Variants in PWWP3B observed in about 807,000 individuals in gnomAD.
The protein encoded by PWWP3B is PWWP domain containing 3B, also known as PWWP domain-containing DNA repair factor 3B.
Under a neutral mutation model 15.7 loss-of-function variants are expected in PWWP3B, and 5 were observed. That is an observed-to-expected ratio of 0.32 (90% CI 0.17 to 0.67). The LOEUF (loss-of-function observed/expected upper bound fraction) is 0.67, where lower values mean the gene tolerates loss of function less well. PWWP3B is among the 30% of genes least tolerant of loss of function. The pLI, the probability that PWWP3B is intolerant of heterozygous loss-of-function variation, is 0.74. For missense variants in PWWP3B, 519 were observed against 493.1 expected (o/e 1.05, Z -0.50); for synonymous variants, 203 against 179.8 (o/e 1.13, Z -1.03).
chrX:106,194,479 G>A (rs1003207066), intron 2 of PWWP3B, among the ~76,000 whole-genome samples: 7 of 111,270 alleles, frequency 6.3e-5, no homozygotes, highest in South Asian at 7.6e-4. Context: ...CTTTGCCATC[G>A]GTTTGAATTT....
intron 2 of PWWP3B, among the ~76,000 whole-genome samples, chrX:106,187,183 CCTT>C (rs1922569718): frequency 8.9e-6 from 1 of 111,934 alleles, no homozygotes; most frequent in Non-Finnish European, 1.9e-5. Context: ...GATGGGTCTT[CCTT>C]CTTGCTTGTT....
rs746593043 is a variant in PWWP3B, at chrX:106,186,962, C to T, written c.-401+15823C>T. 6.3e-5 allele frequency among the ~76,000 whole-genome samples: 7 copies of T among 111,893 alleles called. No homozygotes were observed. In the South Asian group the frequency reaches 1.1e-3, roughly 18 times the overall value. On this transcript the variant is annotated intron_variant, in intron 2 of 3. Transcript: ENST00000357175. ...GTGCATTTACAATCCTCTAGCTAGA[C>T]GCAGAGCGTTGATTGGTGCATTTAC...
chrX:106,205,020 C>G (rs774584363), intron 3 of PWWP3B, among the ~76,000 whole-genome samples, 199 bp from the exon 4 acceptor site: 1 of 111,058 alleles, frequency 9.0e-6, no homozygotes, highest in East Asian at 2.8e-4. Flanking sequence ...GTTCTTCAAT[C>G]TGAGGTATTA....
intron 2 of PWWP3B, among the ~76,000 whole-genome samples, chrX:106,192,184 G>C (rs1399900146): frequency 6.3e-5 from 7 of 111,250 alleles, no homozygotes; most frequent in Non-Finnish European, 1.3e-4. Flanking sequence ...ACTTTTTTTG[G>C]TTGGTAAACT....
Position 106,207,434 on chromosome X carries a change from C to T in PWWP3B, c.2002C>T (p.Pro668Ser). ...EAAEAKYLKGPCLGYRERELF... is the reference protein window; with the variant it reads ...EAAEAKYLKGSCLGYRERELF... ...AGCTGAAGCAAAGTATCTAAAAGGA[C>T]CATGTCTAGGCTACAGGGAAAGAGA... The change falls in exon 4 of 4, where the codon CCA becomes TCA. Residue 668 changes from proline to serine, a missense_variant. Transcript: ENST00000357175. The T allele has an allele frequency of 8.6e-7, 1 of 1,166,745 alleles. No individual in the cohort carries two copies. The highest frequency in any genetic ancestry group is 1.1e-6 in the Non-Finnish European group (1 of 872,597).
chrX:106,175,241 T>C (rs1233257244), intron 2 of PWWP3B, among the ~76,000 whole-genome samples: 27 of 87,104 alleles, frequency 3.1e-4, no homozygotes, highest in Admixed American at 1.2e-3. Context: ...TATTTCTTTT[T>C]TTTTTTTTTT....
rs180936629 is a variant in PWWP3B, at chrX:106,195,605, T to G, written c.-400-8380T>G. Among the ~76,000 whole-genome samples, 236 of 112,104 alleles carry G rather than the reference T, an allele frequency of 2.1e-3. 1 individual carries two copies. Among genetic ancestry groups the G allele is most frequent in the Non-Finnish European group, 2.9e-3 (153 of 53,249 alleles). On this transcript the variant is annotated intron_variant, in intron 2 of 3. Transcript: ENST00000357175. ...ACCGCCATTTCTTCATTTAATTACC[T>G]TTGTCCAAAATCTGTTGGCTATATT...
chrX:106,177,873 GCATCTCTGAGTGTT>G (rs771908319), intron 2 of PWWP3B, among the ~76,000 whole-genome samples: 20 of 112,076 alleles, frequency 1.8e-4, no homozygotes, highest in African/African-American at 5.2e-4. Context: ...TTAACAGTCA[GCATCTCTGAGTGTT>G]CATCTCTGAG....
intron 2 of PWWP3B, among the ~76,000 whole-genome samples, chrX:106,173,098 G>A (rs989870364): frequency 7.5e-4 from 84 of 111,821 alleles, no homozygotes; most frequent in African/African-American, 2.7e-3. Flanking sequence ...TCACAAATCC[G>A]TGCCTCATAA....
chrX:106,190,122 G>A (rs1487617622), intron 2 of PWWP3B, among the ~76,000 whole-genome samples: 2 of 111,237 alleles, frequency 1.8e-5, no homozygotes, highest in South Asian at 3.8e-4. Flanking sequence ...TCGCCACACT[G>A]ACTTCCACAA....
intron 2 of PWWP3B, among the ~76,000 whole-genome samples, chrX:106,191,130 T>A (rs1176441980): frequency 9.1e-6 from 1 of 110,282 alleles, no homozygotes; most frequent in Non-Finnish European, 1.9e-5. Context: ...ATAAATTACC[T>A]TGGGCAGTAT....
chrX:106,178,756 C>T (rs1056334450), intron 2 of PWWP3B, among the ~76,000 whole-genome samples: 37 of 111,586 alleles, frequency 3.3e-4, no homozygotes, highest in African/African-American at 1.1e-3. Context: ...TGCATTCATA[C>T]GTTTATGTAA....
chrX:106,190,039 A>G, intron 2 of PWWP3B, among the ~76,000 whole-genome samples: 3 of 112,137 alleles, frequency 2.7e-5, no homozygotes, highest in Middle Eastern at 9.1e-3. Flanking sequence ...CATGATTTAT[A>G]GTCCTTTGGG....
intron 2 of PWWP3B, among the ~76,000 whole-genome samples, chrX:106,194,302 C>T (rs774516744): frequency 2.7e-5 from 3 of 111,834 alleles, no homozygotes; most frequent in Non-Finnish European, 3.8e-5. Context: ...CGTCTTCCAT[C>T]GCTGATACCC....
At position 106,205,340 on chromosome X, in the gene PWWP3B, G is replaced by A. The variant is rs924658283; in HGVS notation, c.-93G>A. 1.7e-4 allele frequency: 146 copies of A among 835,086 alleles called. No homozygotes were observed. The highest frequency in any genetic ancestry group is 2.3e-4 in the Non-Finnish European group (141 of 609,009). The allele number at this position is 835,086 out of a possible 1,213,427, so 68.8% of individuals were successfully genotyped here. The stretch of plus-strand genomic sequence containing the variant: ...CATAAGACGAAAGAGGATTTGTTAA[G>A]AGTATTGTTTTGGGTAGAACTTGCA... On this transcript the variant is annotated 5_prime_UTR_variant, in exon 4 of 4. Coordinates refer to ENST00000357175, the MANE Select transcript of PWWP3B (RefSeq NM_001171020.2).
chrX:106,171,737 C>T lies in PWWP3B; in HGVS notation c.-401+598C>T, dbSNP rs149063949. ...TATGGTATAGCCTATTGCTCCTATA[C>T]CACAAACCTGTATACCATGTTACTG... On this transcript the variant is annotated intron_variant, in intron 2 of 3. Coordinates refer to ENST00000357175, the MANE Select transcript of PWWP3B (RefSeq NM_001171020.2). Among the ~76,000 whole-genome samples the T allele has an allele frequency of 8.2e-5, 9 of 110,425 alleles. No homozygotes were observed. In the East Asian group the frequency reaches 2.6e-3, roughly 32 times the overall value.
chrX:106,171,325 C>T (rs1402973350), intron 2 of PWWP3B, among the ~76,000 whole-genome samples, 186 bp downstream of exon 2: 1 of 111,749 alleles, frequency 8.9e-6, no homozygotes, highest in African/African-American at 3.3e-5. Context: ...TCCTGTTCTA[C>T]AGCTATCATG....
At chrX:106,194,737 C>G (rs760414857) in intron 2 of PWWP3B, among the ~76,000 whole-genome samples, 20 of 111,630 alleles carry the variant, frequency 1.8e-4, no homozygotes, top group Non-Finnish European at 3.6e-4. Flanking sequence ...TGTCCTTTCT[C>G]TTTGTTAGTT....
At chrX:106,199,222 C>CT (rs1450476850) in intron 2 of PWWP3B, among the ~76,000 whole-genome samples, 6 of 109,644 alleles carry the variant, frequency 5.5e-5, no homozygotes, top group Admixed American at 9.7e-5. Flanking sequence ...CTAATTTTTT[C>CT]TTTTTTTGTA....
Sources: gnomAD v4.1 joint callset for allele counts (sites outside exome capture counted in the v4.1 genomes callset) on GRCh38, gnomAD v4.1.1 for gene constraint, MANE v1.5 for transcripts, NCBI Gene and HGNC (gene_info 2026-07-23, HGNC 2026-07-21) for gene names.